CDK8: variants seen among roughly 807,000 people sequenced by gnomAD.
The protein encoded by CDK8 is cyclin dependent kinase 8.
Under a neutral mutation model 71.5 loss-of-function variants are expected in CDK8, and 29 were observed. That is an observed-to-expected ratio of 0.41 (90% CI 0.30 to 0.55). CDK8 has a LOEUF of 0.55. Ranked by LOEUF, CDK8 falls within the 20% of genes least tolerant of loss-of-function variation. CDK8 has a pLI of 0.37. For missense variants in CDK8, 288 were observed against 572.6 expected, an observed-to-expected ratio of 0.50 and a Z score of 5.07; for synonymous variants, 161 against 192.1, an observed-to-expected ratio of 0.84 and a Z score of 1.34.
intron 2 of CDK8, among the ~76,000 whole-genome samples, chr13:26,341,178 G>A (rs901277478): frequency 2.0e-5 from 3 of 152,146 alleles, no homozygotes; most frequent in Non-Finnish European, 4.4e-5. Flanking sequence ...CCAGGCTGGA[G>A]TGCAATGGCA....
chr13:26,401,279 G>C lies in CDK8; in HGVS notation c.1042G>C (p.Gly348Arg). The change falls in exon 11 of 13, where the codon GGT becomes CGT. Residue 348 changes from glycine to arginine, a missense_variant. Coordinates refer to ENST00000381527, the MANE Select transcript of CDK8 (RefSeq NM_001260.3). This position sits in a 1 kb window ranked among gnomAD's most constrained non-coding sequence, Gnocchi z 4.5. The part of the protein sequence containing the change: ...DPLPTSDVFA[G>R]CQIPYPKREF... ...TTTTCTTATGATCAGCGTTTTTGCC[G>C]GTTGTCAAATCCCTTACCCAAAACG... The C allele has an allele frequency of 6.2e-7, 1 of 1,613,350 alleles. No individual in the cohort carries two copies. Among genetic ancestry groups the C allele is most frequent in the Non-Finnish European group, 8.5e-7 (1 of 1,179,672 alleles).
intron 2 of CDK8, among the ~76,000 whole-genome samples, chr13:26,348,745 T>TATA (rs1359919819): frequency 6.6e-6 from 1 of 152,174 alleles, no homozygotes; most frequent in African/African-American, 2.4e-5. Flanking sequence ...GTGAATATAC[T>TATA]TATAGGATGC....
chr13:26,298,872 C>G (rs1365267193), intron 1 of CDK8, among the ~76,000 whole-genome samples: 1 of 152,008 alleles, frequency 6.6e-6, no homozygotes, highest in East Asian at 1.9e-4. Context: ...CAGTTTTATG[C>G]AAAAAATTTC....
intron 1 of CDK8, among the ~76,000 whole-genome samples, chr13:26,272,061 T>C (rs1872352792): frequency 6.6e-6 from 1 of 151,988 alleles, no homozygotes; most frequent in Non-Finnish European, 1.5e-5. Flanking sequence ...TAGCCTCCTG[T>C]AATTGAGTAC....
chr13:26,314,921 A>G (rs1173205847), intron 1 of CDK8, among the ~76,000 whole-genome samples: 3 of 152,316 alleles, frequency 2.0e-5, no homozygotes, highest in African/African-American at 2.4e-5. Context: ...CTTTAAAGGT[A>G]TAAAAAATCA....
chr13:26,372,276 C>G (rs1395931053), intron 4 of CDK8, among the ~76,000 whole-genome samples: 2 of 152,164 alleles, frequency 1.3e-5, no homozygotes, highest in Non-Finnish European at 2.9e-5. Context: ...TATATACATT[C>G]ATTGCAAATT....
At chr13:26,261,770 A>T (rs9578984) in intron 1 of CDK8, among the ~76,000 whole-genome samples, 4,336 of 152,310 alleles carry the variant, frequency 0.028, 197 homozygotes, top group African/African-American at 0.099. Context: ...ATAAGCAATT[A>T]TGTGTGACTT....
At chr13:26,262,852 A>G (rs957728301) in intron 1 of CDK8, among the ~76,000 whole-genome samples, 3 of 152,160 alleles carry the variant, frequency 2.0e-5, no homozygotes, top group Non-Finnish European at 1.5e-5. Flanking sequence ...AATTATTTAG[A>G]CTAACTTCTA....
chr13:26,281,501 T>C (rs1180058259), intron 1 of CDK8, among the ~76,000 whole-genome samples: 1 of 151,254 alleles, frequency 6.6e-6, no homozygotes, highest in African/African-American at 2.5e-5. Context: ...GAGTTCCAGA[T>C]TTTTCCACTG....
At chr13:26,400,654 C>T in intron 10 of CDK8, 104 bp downstream of exon 10, 1 of 734,968 alleles carries the variant, frequency 1.4e-6, no homozygotes, top group Non-Finnish European at 2.4e-6. Context: ...TATGGGAACC[C>T]AAGGAAATCC....
At chr13:26,284,033 TG>T (rs1235071953) in intron 1 of CDK8, among the ~76,000 whole-genome samples, 3 of 152,238 alleles carry the variant, frequency 2.0e-5, no homozygotes, top group African/African-American at 7.2e-5. Flanking sequence ...AATCTGCTTC[TG>T]AGTGATCTTT....
chr13:26,338,379 A>G (rs1231068861), intron 2 of CDK8, among the ~76,000 whole-genome samples: 1 of 152,086 alleles, frequency 6.6e-6, no homozygotes, highest in Non-Finnish European at 1.5e-5. Flanking sequence ...ACAATTTTGC[A>G]AGTTTACTAA....
intron 4 of CDK8, among the ~76,000 whole-genome samples, chr13:26,368,927 C>A (rs1356800450): frequency 6.6e-6 from 1 of 152,072 alleles, no homozygotes; most frequent in Non-Finnish European, 1.5e-5. Flanking sequence ...GTGGAACCAA[C>A]ACACTGTCAT....
chr13:26,300,030 A>G (rs1314129599), intron 1 of CDK8, among the ~76,000 whole-genome samples: 6 of 152,146 alleles, frequency 3.9e-5, no homozygotes, highest in Non-Finnish European at 8.8e-5. Flanking sequence ...ATTACAGAAA[A>G]ATGGGGACCT....
chr13:26,364,372 A>G (rs982539785), intron 4 of CDK8, among the ~76,000 whole-genome samples: 2 of 152,190 alleles, frequency 1.3e-5, no homozygotes, highest in Non-Finnish European at 2.9e-5. Flanking sequence ...TAAATGTGTC[A>G]CATAATATTA....
At chr13:26,372,270 T>C (rs935519307) in intron 4 of CDK8, among the ~76,000 whole-genome samples, 6 of 152,200 alleles carry the variant, frequency 3.9e-5, no homozygotes, top group African/African-American at 1.4e-4. Flanking sequence ...GTGAAATATA[T>C]ACATTCATTG....
chr13:26,400,173 A>G, intron 9 of CDK8: 1 of 322,548 alleles, frequency 3.1e-6, no homozygotes, highest in Non-Finnish European at 5.7e-6. Flanking sequence ...GTCCTGTTCT[A>G]AATTGGATAA....
chr13:26,312,596 A>G (rs958786579), intron 1 of CDK8, among the ~76,000 whole-genome samples: 1 of 152,024 alleles, frequency 6.6e-6, no homozygotes. Flanking sequence ...GACACATCTG[A>G]ACATCTGAAG....
At chr13:26,402,702 T>C (rs1226996998) in intron 12 of CDK8, among the ~76,000 whole-genome samples, 1 of 152,232 alleles carries the variant, frequency 6.6e-6, no homozygotes, top group East Asian at 1.9e-4. Context: ...TTTTTCTTCC[T>C]TTCCGGATGG....
Sources: gnomAD v4.1 joint callset for allele counts (sites outside exome capture counted in the v4.1 genomes callset) on GRCh38, gnomAD v4.1.1 for gene constraint, Gnocchi (gnomAD v3.1) non-coding constraint, MANE v1.5 for transcripts, NCBI Gene and HGNC (gene_info 2026-07-23, HGNC 2026-07-21) for gene names.